Variants in PHF2 observed in about 807,000 individuals in gnomAD.
The protein encoded by PHF2 is lysine-specific demethylase PHF2.
Under a neutral mutation model 120.5 loss-of-function variants are expected in PHF2, and 27 were observed. The ratio of observed to expected loss-of-function variants is 0.22; its 90% CI spans 0.17 to 0.31. The LOEUF is 0.31. Ranked by LOEUF, PHF2 falls within the 10% of genes least tolerant of loss-of-function variation. The pLI is 1.00. For missense variants in PHF2, 1,024 were observed against 1,434.8 expected (o/e 0.71, Z 4.63); for synonymous variants, 568 against 592.5 (o/e 0.96, Z 0.60).
chr9:93,591,857 G>C lies in PHF2; in HGVS notation c.98+14986G>C, dbSNP rs920134629. Among the ~76,000 whole-genome samples, 3 of 152,332 alleles carry C rather than the reference G, an allele frequency of 2.0e-5. No individual in the cohort carries two copies. In the South Asian group the frequency reaches 6.2e-4, roughly 32 times the overall value. ...GGACCTCAACCCCAGATGCTTGGCC[G>C]TTGCTCGGGGACCTAGCTGTGTGGC... On this transcript the variant is annotated intron_variant, in intron 1 of 21. Transcript: ENST00000359246.
chr9:93,634,509 A>G (rs1397068375), intron 2 of PHF2, among the ~76,000 whole-genome samples: 1 of 152,190 alleles, frequency 6.6e-6, no homozygotes, highest in Non-Finnish European at 1.5e-5. Flanking sequence ...CACGGAGCCA[A>G]GATACTCAGT....
chr9:93,612,013 AG>A (rs375625413), intron 1 of PHF2, among the ~76,000 whole-genome samples: 1 of 152,212 alleles, frequency 6.6e-6, no homozygotes, highest in Admixed American at 6.5e-5. Flanking sequence ...CTGATTACAG[AG>A]GGGCATATTT....
intron 1 of PHF2, among the ~76,000 whole-genome samples, chr9:93,605,106 C>T (rs1564378097): frequency 1.3e-5 from 2 of 152,196 alleles, no homozygotes; most frequent in South Asian, 2.1e-4. Flanking sequence ...CCATTCATAG[C>T]GTCTTGCATT....
At chr9:93,612,153 A>G (rs372314389) in intron 1 of PHF2, among the ~76,000 whole-genome samples, 1 of 152,340 alleles carries the variant, frequency 6.6e-6, no homozygotes, top group East Asian at 1.9e-4. Flanking sequence ...ATTTGTACTT[A>G]TTGGCACTTC....
rs897478484 is a variant in PHF2 at position 93,678,856 on chromosome 9, TCTC to T, written c.*1183_*1185del. The T allele has an allele frequency of 5.1e-5, 8 of 157,848 alleles. No individual in the cohort carries two copies. The highest frequency in any genetic ancestry group is 1.9e-4 in the African/African-American group (8 of 41,442). The allele number at this position is 157,848 out of a possible 1,614,324, so 9.8% of individuals were successfully genotyped here. A position where few individuals can be genotyped will look rare whatever the true frequency, so the allele number is the denominator to read the frequency against. On this transcript the variant is annotated 3_prime_UTR_variant, in exon 22 of 22. Transcript: ENST00000359246. Reference sequence around the variant, plus strand: ...CAGTTGGGTTCTGATGCTTTTTCCTTCTCCTTTCCTTTTATTATTATTATTTTT... The same window carrying T: ...CAGTTGGGTTCTGATGCTTTTTCCTTCTTTCCTTTTATTATTATTATTTTT...
chr9:93,607,882 G>A (rs930517151), intron 1 of PHF2, among the ~76,000 whole-genome samples: 11 of 150,064 alleles, frequency 7.3e-5, no homozygotes, highest in African/African-American at 2.7e-4. Context: ...TCAGACCATA[G>A]CAGCATGTAA....
intron 1 of PHF2, among the ~76,000 whole-genome samples, chr9:93,609,984 C>T (rs1005267030): frequency 7.2e-5 from 11 of 152,212 alleles, no homozygotes; most frequent in African/African-American, 9.6e-5. Flanking sequence ...TGTGAGCCAC[C>T]GCGCCTGACC....
Position 93,674,949 on chromosome 9 carries a change from T to A in PHF2, c.2649T>A (p.Asp883Glu). Residue 883 changes from aspartate (D) to glutamate (E), a missense_variant, in exon 19 of 22, where the codon GAT (aspartate) becomes GAA (glutamate). Physicochemically the swap from Asp to Glu is conservative, Grantham distance 45 (BLOSUM62 2). Coordinates refer to ENST00000359246, the MANE Select transcript of PHF2 (RefSeq NM_005392.4). The part of the protein sequence containing the change: ...SDYVYPSLES[D>E]EDNPIFKSRS... ...TAGTTTACCCCTCACTGGAGTCAGA[T>A]GAAGACAACCCCATCTTTAAGTCCC... The A allele has an allele frequency of 6.2e-7, 1 of 1,613,868 alleles. No individual in the cohort carries two copies. Among genetic ancestry groups the A allele is most frequent in the Non-Finnish European group, 8.5e-7 (1 of 1,179,922 alleles).
intron 1 of PHF2, among the ~76,000 whole-genome samples, chr9:93,586,651 A>G (rs1323799126): frequency 6.6e-6 from 1 of 152,268 alleles, no homozygotes; most frequent in Non-Finnish European, 1.5e-5. Context: ...TGGCCCAGGA[A>G]TCCAGCATGA....
intron 1 of PHF2, among the ~76,000 whole-genome samples, chr9:93,620,144 C>T (rs1825801775): frequency 6.6e-6 from 1 of 152,190 alleles, no homozygotes; most frequent in African/African-American, 2.4e-5. Flanking sequence ...CCTGCAGGGC[C>T]CAGCCTGGGA....
In PHF2 at chr9:93,636,490, C is replaced by T. The variant is rs1053913339; in HGVS notation, c.264C>T (p.Leu88=). The T allele has an allele frequency of 6.2e-7, 1 of 1,605,100 alleles. No individual in the cohort carries two copies. The highest frequency in any genetic ancestry group is 8.5e-7 in the Non-Finnish European group (1 of 1,176,258). ...AGCCCGTGCAGAATGGCAGCCAGCT[C>T]TTCATCAAGGAGCTGCGGAGCCGGA... The part of the protein sequence containing the change: ...DVKPVQNGSQ[L]FIKELRSRTF... Residue 88 remains leucine, a synonymous_variant, in exon 3 of 22, where the codon CTC becomes CTT. Transcript: ENST00000359246.
At chr9:93,613,865 C>T (rs1825678911) in intron 1 of PHF2, among the ~76,000 whole-genome samples, 1 of 152,220 alleles carries the variant, frequency 6.6e-6, no homozygotes, top group Non-Finnish European at 1.5e-5. Context: ...TGAGCCACCA[C>T]ACCTGGCCCG....
rs566230355 is a variant in PHF2 at position 93,615,875 on chromosome 9, C to G, written c.99-14095C>G. On this transcript the variant is annotated intron_variant, in intron 1 of 21. Transcript: ENST00000359246. Reference sequence around the variant, plus strand: ...GCCTTCTCTGCAGGGGACCAGGACACAGGAAAGCCAGGAAGAGATGAGCTG... The same window carrying G: ...GCCTTCTCTGCAGGGGACCAGGACAGAGGAAAGCCAGGAAGAGATGAGCTG... 7.9e-5 allele frequency among the ~76,000 whole-genome samples: 12 copies of G among 152,270 alleles called. No individual in the cohort carries two copies. In the East Asian group the frequency reaches 1.7e-3, roughly 22 times the overall value.
At chr9:93,611,853 A>G (rs1377377633) in intron 1 of PHF2, among the ~76,000 whole-genome samples, 1 of 152,162 alleles carries the variant, frequency 6.6e-6, no homozygotes, top group Non-Finnish European at 1.5e-5. Context: ...GATGGGTAGC[A>G]ATATATATAC....
At chr9:93,587,672 C>T (rs984411010) in intron 1 of PHF2, among the ~76,000 whole-genome samples, 1 of 152,032 alleles carries the variant, frequency 6.6e-6, no homozygotes, top group Admixed American at 6.5e-5. Context: ...ACCCTGCTTG[C>T]CAGGCACTGC....
intron 1 of PHF2, among the ~76,000 whole-genome samples, chr9:93,593,861 A>C (rs1016011463): frequency 6.6e-6 from 1 of 152,258 alleles, no homozygotes; most frequent in African/African-American, 2.4e-5. Flanking sequence ...GAATATGCCA[A>C]CATGTTAAAG....
intron 2 of PHF2, among the ~76,000 whole-genome samples, chr9:93,633,267 C>CT (rs1422048359): frequency 2.0e-5 from 3 of 152,182 alleles, no homozygotes; most frequent in African/African-American, 7.2e-5. Flanking sequence ...TGGCCATGGC[C>CT]TGTGGGCAGG....
chr9:93,593,374 T>A (rs1373342160), intron 1 of PHF2, among the ~76,000 whole-genome samples: 11 of 152,188 alleles, frequency 7.2e-5, no homozygotes, highest in Admixed American at 7.2e-4. Context: ...TCGGACTACA[T>A]TTGCTCTCTG....
rs764978775 is a variant in PHF2, at chr9:93,660,172, C to T, written c.1330-20C>T. 2 of 1,524,372 alleles carry T rather than the reference C, an allele frequency of 1.3e-6. No individual in the cohort carries two copies. The highest frequency in any genetic ancestry group is 2.8e-5 in the African/African-American group (2 of 72,030). The allele number at this position is 1,524,372 out of a possible 1,614,324, so 94.4% of individuals were successfully genotyped here. A position where few individuals can be genotyped will look rare whatever the true frequency, so the allele number is the denominator to read the frequency against. ...AGTTTGGCAGAAGCAGCATGTGACC[C>T]TCTCCTTTCTGTATCCCAGAATGCC... On this transcript the variant is annotated intron_variant, in intron 11 of 21. Transcript: ENST00000359246.
Sources: gnomAD v4.1 joint callset for allele counts (sites outside exome capture counted in the v4.1 genomes callset) on GRCh38, gnomAD v4.1.1 for gene constraint, MANE v1.5 for transcripts, NCBI Gene and HGNC (gene_info 2026-07-23, HGNC 2026-07-21) for gene names.